Variants in TRAPPC9 observed in about 807,000 individuals in gnomAD.
The protein encoded by TRAPPC9 is IKK2 binding protein.
A neutral mutation model predicts 124.0 loss-of-function variants in TRAPPC9; 83 were observed. The ratio of observed to expected loss-of-function variants is 0.67; its 90% CI spans 0.56 to 0.80. TRAPPC9 has a LOEUF of 0.80. Among genes scored for constraint, TRAPPC9 ranks in the 30% least tolerant of loss-of-function variants. TRAPPC9 has a pLI of 0.00. For missense variants in TRAPPC9, 1,302 were observed against 1,508.3 expected (o/e 0.86, Z 2.27); for synonymous variants, 638 against 617.5 (o/e 1.03, Z -0.49).
chr8:140,446,614 C>T (rs2071269954), intron 2 of TRAPPC9, among the ~76,000 whole-genome samples: 1 of 152,062 alleles, frequency 6.6e-6, no homozygotes, highest in African/African-American at 2.4e-5. Flanking sequence ...AGTGCAATGG[C>T]ATGAGCTCGG....
Position 140,405,569 on chromosome 8 carries a change from A to G in TRAPPC9, c.1008+8T>C, listed in dbSNP as rs1053148596. On this transcript the variant is annotated splice_region_variant and intron_variant, in intron 6 of 22. Coordinates refer to ENST00000438773, the MANE Select transcript of TRAPPC9 (RefSeq NM_001160372.4). ...TGTGTAAAAAAAATCACAAAGCCAT[A>G]AAATCACCTTGCTGTAATAGGAAAT... The G allele has an allele frequency of 1.2e-6, 2 of 1,613,968 alleles. No homozygotes were observed. Among genetic ancestry groups the G allele is most frequent in the Non-Finnish European group, 1.7e-6 (2 of 1,179,970 alleles).
chr8:139,791,854 C>T (rs1045748578), intron 21 of TRAPPC9, among the ~76,000 whole-genome samples: 5 of 152,194 alleles, frequency 3.3e-5, no homozygotes, highest in East Asian at 1.9e-4. Flanking sequence ...GATGCGGCTC[C>T]GCAACCCAGG....
At chr8:140,159,975 A>G (rs181808993) in intron 17 of TRAPPC9, among the ~76,000 whole-genome samples, 92 of 152,358 alleles carry the variant, frequency 6.0e-4, no homozygotes, top group Non-Finnish European at 9.0e-4. Context: ...AACCCCATCC[A>G]AAAGTGGGCA....
chr8:140,290,606 T>A (rs2065625148), intron 12 of TRAPPC9, among the ~76,000 whole-genome samples: 1 of 152,214 alleles, frequency 6.6e-6, no homozygotes, highest in Non-Finnish European at 1.5e-5. Flanking sequence ...TGTTCTTCCC[T>A]GGGGCCTTGG....
chr8:140,342,846 T>C (rs912874594), intron 9 of TRAPPC9, among the ~76,000 whole-genome samples: 2 of 152,244 alleles, frequency 1.3e-5, no homozygotes, highest in African/African-American at 4.8e-5. Context: ...TAGCTCTTTA[T>C]GCTCTGCTAT....
chr8:139,731,307 G>A, intron 22 of TRAPPC9, 79 bp from the exon 23 acceptor site: 2 of 1,543,612 alleles, frequency 1.3e-6, no homozygotes, highest in Non-Finnish European at 1.8e-6. Flanking sequence ...CTGGGAATCT[G>A]CCTGGACATA....
chr8:140,410,736 G>A (rs58895462), intron 5 of TRAPPC9, among the ~76,000 whole-genome samples: 4,541 of 151,590 alleles, frequency 0.03, 215 homozygotes, highest in African/African-American at 0.096. Flanking sequence ...CCAGCTACTC[G>A]GGAGGCTGAG....
intron 19 of TRAPPC9, among the ~76,000 whole-genome samples, chr8:139,950,925 G>A (rs765699070): frequency 7.9e-5 from 12 of 152,316 alleles, no homozygotes; most frequent in African/African-American, 1.7e-4. Context: ...AGCCGCACCC[G>A]CCTTACAGCC....
intron 2 of TRAPPC9, among the ~76,000 whole-genome samples, chr8:140,444,211 C>CAAA (rs35984317): frequency 3.0e-5 from 2 of 66,670 alleles, no homozygotes; most frequent in Non-Finnish European, 3.1e-5. Context: ...GACTCTGTCT[C>CAAA]AAAAAAAAAA....
At chr8:139,906,695 C>A (rs1444193753) in intron 20 of TRAPPC9, among the ~76,000 whole-genome samples, 1 of 152,128 alleles carries the variant, frequency 6.6e-6, no homozygotes. Context: ...TGTGCCGCTC[C>A]CTTTGTTCAG....
At position 139,730,965 on chromosome 8, in the gene TRAPPC9, G is replaced by A. The variant is rs1817779937; in HGVS notation, c.*96C>T. 7.4e-7 allele frequency: 1 copy of A among 1,360,240 alleles called. No homozygotes were observed. Among genetic ancestry groups the A allele is most frequent in the Middle Eastern group, 2.5e-4 (1 of 3,988 alleles). The allele number at this position is 1,360,240 out of a possible 1,614,324, so 84.3% of individuals were successfully genotyped here. ...GGGGTCTGGGGGAGGAGGAGGAGATGGGGCTGCAGTGAAGGCCTTGCTCAT... is the reference window on the plus strand; with the variant it reads ...GGGGTCTGGGGGAGGAGGAGGAGATAGGGCTGCAGTGAAGGCCTTGCTCAT... On this transcript the variant is annotated 3_prime_UTR_variant, in exon 23 of 23. Coordinates refer to ENST00000438773, the MANE Select transcript of TRAPPC9 (RefSeq NM_001160372.4).
At chr8:140,439,339 T>A in intron 2 of TRAPPC9, 142 bp from the exon 3 acceptor site, 1 of 930,826 alleles carries the variant, frequency 1.1e-6, no homozygotes. Flanking sequence ...TCAGCAATAA[T>A]CATTGCCAGT....
intron 18 of TRAPPC9, among the ~76,000 whole-genome samples, chr8:139,993,719 A>G (rs550354973): frequency 5.3e-4 from 80 of 152,354 alleles, no homozygotes; most frequent in African/African-American, 1.9e-3. Flanking sequence ...TGAATTTAAA[A>G]GAACTATATG....
chr8:140,209,725 A>G (rs921453657), intron 17 of TRAPPC9, among the ~76,000 whole-genome samples: 1 of 152,202 alleles, frequency 6.6e-6, no homozygotes, highest in Non-Finnish European at 1.5e-5. Flanking sequence ...CCCCGGAGAA[A>G]GTATTATTAT....
At chr8:140,410,897 TAAAAATAA>T (rs1389332722) in intron 5 of TRAPPC9, among the ~76,000 whole-genome samples, 4 of 150,334 alleles carry the variant, frequency 2.7e-5, no homozygotes, top group Non-Finnish European at 4.4e-5. Context: ...CAAAGAACTG[TAAAAATAA>T]AAAAAGGAAA....
intron 9 of TRAPPC9, among the ~76,000 whole-genome samples, chr8:140,346,925 C>A (rs943593448): frequency 6.6e-6 from 1 of 152,118 alleles, no homozygotes; most frequent in Non-Finnish European, 1.5e-5. Context: ...TGACACTTCC[C>A]AGCCCCTCGC....
chr8:140,409,073 A>G (rs1383526537), intron 5 of TRAPPC9, among the ~76,000 whole-genome samples: 2 of 152,190 alleles, frequency 1.3e-5, no homozygotes, highest in African/African-American at 4.8e-5. Context: ...TATGCAACAT[A>G]TATCACAAAC....
intron 15 of TRAPPC9, among the ~76,000 whole-genome samples, chr8:140,258,330 A>G (rs2131539762): frequency 6.6e-6 from 1 of 152,354 alleles, no homozygotes; most frequent in South Asian, 2.1e-4. Flanking sequence ...TGGATTTGAC[A>G]TTTCACTCAA....
At chr8:140,415,057 T>G (rs1464340552) in intron 5 of TRAPPC9, among the ~76,000 whole-genome samples, 5 of 151,950 alleles carry the variant, frequency 3.3e-5, no homozygotes, top group Non-Finnish European at 7.4e-5. Context: ...TAGAAAATAC[T>G]TTGATTAGCT....
Sources: allele counts gnomAD v4.1 joint callset (sites outside exome capture counted in the v4.1 genomes callset), GRCh38; gene constraint gnomAD v4.1.1; transcripts MANE v1.5; gene names NCBI Gene and HGNC (gene_info 2026-07-23, HGNC 2026-07-21).